Variants in MOB3B observed in about 807,000 individuals in gnomAD.
MOB3B encodes MOB kinase activator 3B, also known as MOB kinase activator-like 2B.
A neutral mutation model predicts 18.7 loss-of-function variants in MOB3B; 7 were observed. The observed-to-expected ratio is 0.37, with a 90% CI of 0.21 to 0.70. MOB3B has a LOEUF of 0.70. MOB3B is among the 30% of genes least tolerant of loss of function. The pLI, the probability that MOB3B is intolerant of heterozygous loss-of-function variation, is 0.52. For synonymous variants in MOB3B, 111 were observed against 99.9 expected (o/e 1.11, Z -0.66); for missense variants, 253 against 281.3 (o/e 0.90, Z 0.72).
chr9:27,381,165 A>T (rs1379096883), intron 2 of MOB3B, among the ~76,000 whole-genome samples: 2 of 152,186 alleles, frequency 1.3e-5, no homozygotes, highest in East Asian at 3.9e-4. Context: ...TTTTCCTCTT[A>T]TCTATCCATA....
chr9:27,513,750 T>C (rs1025188431), intron 1 of MOB3B, among the ~76,000 whole-genome samples: 2 of 152,228 alleles, frequency 1.3e-5, no homozygotes, highest in East Asian at 1.9e-4. Flanking sequence ...ATTTCCTTCA[T>C]AGCACTTATA....
In MOB3B at chr9:27,529,771, C is replaced by G. The variant is rs1478501070; in HGVS notation, c.-415G>C. ...CAGCCGCCGTCGCTCCGGAGCAGCC[C>G]CCTCATGCACCCAGCGCGCCGCGCA... On this transcript the variant is annotated 5_prime_UTR_variant, in exon 1 of 4. Coordinates refer to ENST00000262244, the MANE Select transcript of MOB3B (RefSeq NM_024761.5). 2 of 985,272 alleles carry G rather than the reference C, an allele frequency of 2.0e-6. No individual in the cohort carries two copies. Among genetic ancestry groups the G allele is most frequent in the African/African-American group, 1.7e-5 (1 of 57,232 alleles). The allele number at this position is 985,272 out of a possible 1,614,324, so 61.0% of individuals were successfully genotyped here.
chr9:27,415,293 C>T (rs1310530622), intron 2 of MOB3B, among the ~76,000 whole-genome samples: 1 of 152,116 alleles, frequency 6.6e-6, no homozygotes, highest in Non-Finnish European at 1.5e-5. Context: ...GTACTGTTTG[C>T]TTTTAGAAAA....
intron 2 of MOB3B, among the ~76,000 whole-genome samples, chr9:27,408,930 C>G (rs531613091): frequency 2.0e-5 from 3 of 152,276 alleles, no homozygotes; most frequent in Non-Finnish European, 4.4e-5. Context: ...CAGTATTAGC[C>G]TATATAAAAA....
At chr9:27,393,547 C>T (rs565234957) in intron 2 of MOB3B, among the ~76,000 whole-genome samples, 1 of 152,136 alleles carries the variant, frequency 6.6e-6, no homozygotes, top group East Asian at 1.9e-4. Flanking sequence ...AAATGGTAGA[C>T]CTGGGTGGAG....
At chr9:27,493,075 C>T (rs1819844763) in intron 1 of MOB3B, among the ~76,000 whole-genome samples, 1 of 152,168 alleles carries the variant, frequency 6.6e-6, no homozygotes, top group South Asian at 2.1e-4. Context: ...CATTCCAGTA[C>T]ACCTTGATCA....
chr9:27,377,108 G>A (rs990383725), intron 2 of MOB3B, among the ~76,000 whole-genome samples: 1 of 152,170 alleles, frequency 6.6e-6, no homozygotes, highest in Non-Finnish European at 1.5e-5. Flanking sequence ...GAGGATTAAA[G>A]GGAAAATAAT....
chr9:27,491,806 G>A (rs576653790), intron 1 of MOB3B, among the ~76,000 whole-genome samples: 1 of 152,328 alleles, frequency 6.6e-6, no homozygotes, highest in East Asian at 1.9e-4. Context: ...CAGGAAGGCG[G>A]AGCTTGCAGT....
intron 3 of MOB3B, among the ~76,000 whole-genome samples, chr9:27,352,286 T>C (rs999853910): frequency 2.1e-5 from 3 of 141,554 alleles, no homozygotes; most frequent in African/African-American, 8.0e-5. Context: ...GAGGCTGAGG[T>C]GGGAGGATCA....
In MOB3B at chr9:27,455,218, C is replaced by T. The variant is rs753880222; in HGVS notation, c.333G>A (p.Ala111=). Residue 111 remains alanine, a synonymous_variant, in exon 2 of 4, where the codon GCG becomes GCA. Transcript: ENST00000262244. ...QDDLKYKKPT[A]LPAPQYMNLL... ...GGTTCATGTACTGGGGAGCTGGCAG[C>T]GCTGTTGGCTTCTTATACTTGAGAT... 3.3e-5 allele frequency: 53 copies of T among 1,614,004 alleles called. No homozygotes were observed. The East Asian group carries it at 5.8e-4, about 18-fold the overall frequency.
intron 2 of MOB3B, among the ~76,000 whole-genome samples, chr9:27,450,420 T>A (rs1206256422): frequency 1.3e-5 from 2 of 152,142 alleles, no homozygotes; most frequent in African/African-American, 4.8e-5. Context: ...GGCTAAGTAA[T>A]CTGCTGCCCA....
At chr9:27,355,210 A>C (rs1821167865) in intron 3 of MOB3B, among the ~76,000 whole-genome samples, 1 of 152,172 alleles carries the variant, frequency 6.6e-6, no homozygotes, top group Admixed American at 6.5e-5. Flanking sequence ...AGACAAAAGC[A>C]ACAAAGAGAT....
Position 27,400,573 on chromosome 9 carries a change from A to C in MOB3B, c.419-41337T>G, listed in dbSNP as rs969966305. 3.3e-5 allele frequency among the ~76,000 whole-genome samples: 5 copies of C among 152,348 alleles called. No homozygotes were observed. The East Asian group carries it at 9.6e-4, about 29-fold the overall frequency. On this transcript the variant is annotated intron_variant, in intron 2 of 3. Coordinates refer to ENST00000262244, the MANE Select transcript of MOB3B (RefSeq NM_024761.5). The stretch of plus-strand genomic sequence containing the variant: ...AAATGAATCATTCCCTTCTCAGAGG[A>C]ACATTTGTATATTTCTACTCTAGTA...
intron 1 of MOB3B, among the ~76,000 whole-genome samples, chr9:27,522,902 C>G (rs1002812591): frequency 3.3e-5 from 5 of 150,344 alleles, no homozygotes; most frequent in South Asian, 4.2e-4. Context: ...GTAGATGGAA[C>G]AAATAGAATA....
chr9:27,529,382 C>G (rs1279931491), intron 1 of MOB3B, among the ~76,000 whole-genome samples, 173 bp downstream of exon 1: 1 of 152,232 alleles, frequency 6.6e-6, no homozygotes, highest in Admixed American at 6.5e-5. Flanking sequence ...GAAGAGGACT[C>G]CAGCCCCGGA....
chr9:27,365,265 A>G (rs1371387332), intron 2 of MOB3B, among the ~76,000 whole-genome samples: 2 of 151,748 alleles, frequency 1.3e-5, no homozygotes, highest in African/African-American at 4.8e-5. Flanking sequence ...TTTGGGGAGA[A>G]GAGAAAACTT....
chr9:27,508,406 C>T (rs572439909), intron 1 of MOB3B, among the ~76,000 whole-genome samples: 13 of 152,182 alleles, frequency 8.5e-5, no homozygotes, highest in Middle Eastern at 6.8e-3. Context: ...GAGGAATCCA[C>T]GTGTAGGGAC....
chr9:27,469,976 C>A (rs1260894311), intron 1 of MOB3B, among the ~76,000 whole-genome samples: 2 of 151,988 alleles, frequency 1.3e-5, no homozygotes, highest in African/African-American at 2.4e-5. Context: ...CACGGTGGCA[C>A]ACACCTATGG....
intron 2 of MOB3B, among the ~76,000 whole-genome samples, chr9:27,383,301 T>C (rs1415867341): frequency 6.6e-6 from 1 of 152,226 alleles, no homozygotes; most frequent in East Asian, 1.9e-4. Flanking sequence ...TAAAAAGTGG[T>C]ACAGAAGAAT....
Sources: gnomAD v4.1 joint callset for allele counts (sites outside exome capture counted in the v4.1 genomes callset) on GRCh38, gnomAD v4.1.1 for gene constraint, MANE v1.5 for transcripts, NCBI Gene and HGNC (gene_info 2026-07-23, HGNC 2026-07-21) for gene names.